SERPINB8: variants seen among roughly 807,000 people sequenced by gnomAD.
SERPINB8 encodes serpin B8.
In SERPINB8, 25 loss-of-function variants were observed where a neutral mutation model predicts 35.3. The ratio of observed to expected loss-of-function variants is 0.71; its 90% CI spans 0.52 to 0.99. SERPINB8 has a LOEUF of 0.99. Among genes scored for constraint, SERPINB8 ranks in the 50% least tolerant of loss-of-function variants. The pLI is 0.00. For missense variants in SERPINB8, 484 were observed against 446.5 expected (o/e 1.08, Z -0.76); for synonymous variants, 186 against 160.8 (o/e 1.16, Z -1.19).
rs2050788391 is a variant in SERPINB8, at chr18:63,987,991, TA to T, written c.*715del. 3.3e-5 allele frequency: 5 copies of T among 152,306 alleles called. No individual in the cohort carries two copies. The South Asian group carries it at 1.0e-3, about 32-fold the overall frequency. The allele number at this position is 152,306 out of a possible 1,614,324, so 9.4% of individuals were successfully genotyped here. On this transcript the variant is annotated 3_prime_UTR_variant, in exon 7 of 7. Transcript: ENST00000397985. ...GCAACACACCACTGAGTCCTCTAACTAATCATATGTGCTCAGACACAGCTCA... is the reference window on the plus strand; with the variant it reads ...GCAACACACCACTGAGTCCTCTAACTATCATATGTGCTCAGACACAGCTCA...
downstream of SERPINB8, among the ~76,000 whole-genome samples, chr18:63,990,291 G>C (rs1048147541): frequency 2.6e-5 from 4 of 151,876 alleles, no homozygotes; most frequent in African/African-American, 9.7e-5. Context: ...GGCCAGGCTG[G>C]TTTTGAACTC....
chr18:63,983,638 G>A lies in SERPINB8; in HGVS notation c.484G>A (p.Val162Met). 6.2e-7 allele frequency: 1 copy of A among 1,613,902 alleles called. No homozygotes were observed. The highest frequency in any genetic ancestry group is 8.5e-7 in the Non-Finnish European group (1 of 1,179,760). ...CGATCCCCTGACAAAGCTGGTCCTT[G>A]TGAATGCCATTTATTTCAAGGGAAA... The part of the protein sequence containing the change: ...TVDPLTKLVL[V>M]NAIYFKGKWN... The change falls in exon 5 of 7, where the codon GTG (valine) becomes ATG (methionine). Residue 162 changes from valine (V) to methionine (M), a missense_variant. Physicochemically the swap from Val to Met is conservative, Grantham distance 21 (BLOSUM62 1). Transcript: ENST00000397985.
intron 1 of SERPINB8, among the ~76,000 whole-genome samples, chr18:63,978,014 G>A (rs1265582797): frequency 6.6e-6 from 1 of 152,118 alleles, no homozygotes; most frequent in Non-Finnish European, 1.5e-5. Flanking sequence ...CTCTGACTCT[G>A]CCCCTCCTGC....
At chr18:64,014,964 A>C (rs906410358) in intron 7 of SERPINB8, among the ~76,000 whole-genome samples, 1 of 152,104 alleles carries the variant, frequency 6.6e-6, no homozygotes, top group African/African-American at 2.4e-5. Flanking sequence ...AATAAATTTT[A>C]CCTTTTGGGC....
intron 7 of SERPINB8, among the ~76,000 whole-genome samples, chr18:64,017,846 G>A (rs1243989093): frequency 1.3e-5 from 2 of 152,168 alleles, no homozygotes; most frequent in Non-Finnish European, 2.9e-5. Context: ...TACTAATCAT[G>A]ACTGTGCATA....
intron 6 of SERPINB8, among the ~76,000 whole-genome samples, chr18:63,985,763 CA>C (rs2050744213): frequency 6.6e-6 from 1 of 152,024 alleles, no homozygotes; most frequent in African/African-American, 2.4e-5. Flanking sequence ...TTACCTTATA[CA>C]AGAGGAGAGA....
Position 63,987,562 on chromosome 18 carries a change from C to A in SERPINB8, c.*284C>A. 1 of 367,236 alleles carries A rather than the reference C, an allele frequency of 2.7e-6. No individual in the cohort carries two copies. 22.7% of individuals were successfully genotyped at this position (367,236 alleles called of 1,614,324 possible). On this transcript the variant is annotated 3_prime_UTR_variant, in exon 7 of 7. Transcript: ENST00000397985. ...GTCTGTGCCCATTGTTTCAGGGGAT[C>A]TTATGGAGCATCTCAGGGCTTCAGG...
At chr18:63,978,219 C>T (rs879006909) in intron 1 of SERPINB8, 80 bp from the exon 2 acceptor site, 1 of 1,489,246 alleles carries the variant, frequency 6.7e-7, no homozygotes, top group South Asian at 1.1e-5. Flanking sequence ...CCTCAGCGTC[C>T]ACTGACTGGG....
rs2050804429 is a variant in SERPINB8 at position 63,989,146 on chromosome 18, A to T, written c.*1868A>T. 6.6e-6 allele frequency: 1 copy of T among 152,200 alleles called. No individual in the cohort carries two copies. The highest frequency in any genetic ancestry group is 6.5e-5 in the Admixed American group (1 of 15,280). The allele number at this position is 152,200 out of a possible 1,614,324, so 9.4% of individuals were successfully genotyped here. A position where few individuals can be genotyped will look rare whatever the true frequency, so the allele number is the denominator to read the frequency against. ...GAAATTTACATACATGGAACCATACATCATCTATGCTTTGTAGTATGACTC... is the reference window on the plus strand; with the variant it reads ...GAAATTTACATACATGGAACCATACTTCATCTATGCTTTGTAGTATGACTC... On this transcript the variant is annotated 3_prime_UTR_variant, in exon 7 of 7. Coordinates refer to ENST00000397985, the MANE Select transcript of SERPINB8 (RefSeq NM_002640.4).
chr18:63,986,462 G>A (rs2050756056), intron 6 of SERPINB8: 6 of 1,393,700 alleles, frequency 4.3e-6, no homozygotes, highest in Admixed American at 3.3e-5. Flanking sequence ...CCCCTCATTA[G>A]ACTCAGAAGC....
intron 2 of SERPINB8, among the ~76,000 whole-genome samples, chr18:63,979,543 G>A (rs999388796): frequency 6.6e-6 from 1 of 152,078 alleles, no homozygotes; most frequent in Non-Finnish European, 1.5e-5. Context: ...TAACTGAGAG[G>A]TGCTACTGAC....
intron 6 of SERPINB8, among the ~76,000 whole-genome samples, chr18:63,985,943 A>G (rs78923829): frequency 0.03 from 4,512 of 152,252 alleles, 219 homozygotes; most frequent in African/African-American, 0.1. Context: ...TACTCCCACC[A>G]TGGCCGACTT....
intron 7 of SERPINB8, among the ~76,000 whole-genome samples, chr18:64,012,328 G>T (rs1157461007): frequency 6.6e-6 from 1 of 151,928 alleles, no homozygotes; most frequent in African/African-American, 2.4e-5. Context: ...TATGAAATAT[G>T]GTACAATTTA....
intron 6 of SERPINB8, among the ~76,000 whole-genome samples, chr18:63,985,684 G>C (rs1053881665): frequency 6.6e-6 from 1 of 152,136 alleles, no homozygotes; most frequent in African/African-American, 2.4e-5. Flanking sequence ...TTTGTAACAA[G>C]ATTCCAAGTG....
downstream of SERPINB8, among the ~76,000 whole-genome samples, chr18:63,993,979 A>C (rs1001604282): frequency 6.6e-6 from 1 of 152,164 alleles, no homozygotes; most frequent in Admixed American, 6.5e-5. Context: ...CTTTCTTATC[A>C]GGAGCCTTGA....
chr18:63,984,879 T>TG (rs11462302), intron 5 of SERPINB8, among the ~76,000 whole-genome samples: 12,638 of 103,656 alleles, frequency 0.12, 581 homozygotes, highest in African/African-American at 0.21. Flanking sequence ...TTTACCAAAC[T>TG]GTTTTTTTTT....
chr18:64,007,067 C>T (rs919230209), downstream of SERPINB8, among the ~76,000 whole-genome samples: 1 of 151,316 alleles, frequency 6.6e-6, no homozygotes, highest in Admixed American at 6.6e-5. Context: ...AGTAAAATAA[C>T]CTCCAGAAAG....
intron 1 of SERPINB8, among the ~76,000 whole-genome samples, chr18:63,976,823 A>G (rs2050589395): frequency 6.6e-6 from 1 of 152,108 alleles, no homozygotes; most frequent in Non-Finnish European, 1.5e-5. Flanking sequence ...ATCCATGCCT[A>G]TGGACTTTCT....
chr18:64,016,820 C>T (rs910005809), intron 7 of SERPINB8, among the ~76,000 whole-genome samples: 1 of 152,146 alleles, frequency 6.6e-6, no homozygotes, highest in Non-Finnish European at 1.5e-5. Flanking sequence ...TTTCAAATCC[C>T]TCATTTTCCA....
Sources: allele counts gnomAD v4.1 joint callset (sites outside exome capture counted in the v4.1 genomes callset), GRCh38; gene constraint gnomAD v4.1.1; transcripts MANE v1.5; gene names NCBI Gene and HGNC (gene_info 2026-07-23, HGNC 2026-07-21).